RPGRIP1: variants seen among roughly 807,000 people sequenced by gnomAD.
The protein encoded by RPGRIP1 is X-linked retinitis pigmentosa GTPase regulator-interacting protein 1.
Under a neutral mutation model 157.9 loss-of-function variants are expected in RPGRIP1, and 128 were observed. The observed-to-expected ratio is 0.81, with a 90% confidence interval of 0.70 to 0.94. The LOEUF is 0.94. RPGRIP1 is among the 40% of genes least tolerant of loss of function. RPGRIP1 has a pLI of 0.00. For missense variants in RPGRIP1, 1,486 were observed against 1,545.8 expected, an observed-to-expected ratio of 0.96 and a Z score of 0.65; for synonymous variants, 554 against 571.6, an observed-to-expected ratio of 0.97 and a Z score of 0.44.
intron 21 of RPGRIP1, 86 bp from the exon 22 acceptor site, chr14:21,342,950 A>G: frequency 5.6e-6 from 5 of 892,802 alleles, no homozygotes; most frequent in Non-Finnish European, 7.1e-6. Flanking sequence ...ATTTCTAGAG[A>G]GTACCGTAAT....
rs761536002 is a variant in RPGRIP1, at chr14:21,280,174, G to GAT, written c.-39+16_-39+17dup. 9.2e-5 allele frequency among the ~76,000 whole-genome samples: 14 copies of GAT among 151,622 alleles called. No homozygotes were observed. The highest frequency in any genetic ancestry group is 1.5e-4 in the Non-Finnish European group (10 of 67,956). On this transcript the variant is annotated intron_variant, in intron 1 of 24. Coordinates refer to ENST00000400017, the MANE Select transcript of RPGRIP1 (RefSeq NM_020366.4). ...AAGCAAGAACTGTAAGTTTCTATCT[G>GAT]ATGCATATTTATAGTTTCCTATGTC...
intron 2 of RPGRIP1, among the ~76,000 whole-genome samples, chr14:21,294,095 A>G (rs1880656218): frequency 6.6e-6 from 1 of 151,654 alleles, no homozygotes; most frequent in African/African-American, 2.4e-5. Context: ...CTAAAAAGAA[A>G]AATTAAGTAA....
intron 5 of RPGRIP1, chr14:21,302,809 G>T (rs1881089868): frequency 6.5e-6 from 2 of 307,334 alleles, no homozygotes; most frequent in South Asian, 1.0e-4. Flanking sequence ...TCAGTTGAAG[G>T]TATTCCCTCT....
chr14:21,300,854 T>A, intron 3 of RPGRIP1, 112 bp from the exon 4 acceptor site: 4 of 1,258,688 alleles, frequency 3.2e-6, no homozygotes, highest in Non-Finnish European at 3.3e-6. Context: ...GGTTAATAGA[T>A]CACGGTAGAT....
At chr14:21,313,345 GAA>G (rs5807074) in intron 10 of RPGRIP1, among the ~76,000 whole-genome samples, 55 of 129,658 alleles carry the variant, frequency 4.2e-4, no homozygotes, top group East Asian at 4.4e-4. Flanking sequence ...TCCACAAAAA[GAA>G]AAAAAAAAAA....
At chr14:21,349,305 A>T (rs1189912294) in intron 24 of RPGRIP1, among the ~76,000 whole-genome samples, 1 of 150,596 alleles carries the variant, frequency 6.6e-6, no homozygotes, top group Non-Finnish European at 1.5e-5. Flanking sequence ...CTTGGACTCA[A>T]GCAATCCACC....
At chr14:21,318,050 T>C in intron 11 of RPGRIP1, 200 bp downstream of exon 11, 1 of 698,492 alleles carries the variant, frequency 1.4e-6, no homozygotes, top group Admixed American at 2.0e-5. Context: ...CTCTCATGTA[T>C]ACTTTTTCCT....
chr14:21,317,280 C>T (rs1053356793), intron 10 of RPGRIP1, among the ~76,000 whole-genome samples: 3 of 152,136 alleles, frequency 2.0e-5, no homozygotes, highest in Non-Finnish European at 4.4e-5. Context: ...AGGTCAAAGA[C>T]AAATATTCTC....
chr14:21,342,860 C>A (rs1482347571), intron 21 of RPGRIP1, among the ~76,000 whole-genome samples, 176 bp from the exon 22 acceptor site: 1 of 152,054 alleles, frequency 6.6e-6, no homozygotes, highest in Non-Finnish European at 1.5e-5. Flanking sequence ...GCAATTAAGT[C>A]AAGTTGTCTT....
chr14:21,330,182 A>G, intron 19 of RPGRIP1, 67 bp from the exon 20 acceptor site: 1 of 1,099,876 alleles, frequency 9.1e-7, no homozygotes, highest in South Asian at 2.2e-5. Flanking sequence ...GAAGGCAGGA[A>G]GGAAGGAATG....
intron 5 of RPGRIP1, chr14:21,302,949 A>G (rs1462092615): frequency 2.6e-5 from 5 of 190,622 alleles, no homozygotes; most frequent in South Asian, 9.3e-5. Flanking sequence ...GGTTCACTGC[A>G]ACCCCTGCCT....
chr14:21,328,157 A>G (rs1883313370), intron 18 of RPGRIP1, among the ~76,000 whole-genome samples: 1 of 149,872 alleles, frequency 6.7e-6, no homozygotes, highest in Admixed American at 6.6e-5. Flanking sequence ...CAACAAGAGC[A>G]GAACTCTGTC....
chr14:21,324,196 A>G (rs147424920), intron 14 of RPGRIP1: 2 of 297,300 alleles, frequency 6.7e-6, no homozygotes, highest in African/African-American at 4.4e-5. Flanking sequence ...CATAGACACT[A>G]TGTCTGCAAC....
chr14:21,325,427 C>A, intron 16 of RPGRIP1, 44 bp downstream of exon 16: 1 of 1,534,828 alleles, frequency 6.5e-7, no homozygotes, highest in South Asian at 1.2e-5. Context: ...GAGCCTCAGC[C>A]AAACAGCTCA....
At chr14:21,282,599 C>A (rs1880170792) in intron 1 of RPGRIP1, among the ~76,000 whole-genome samples, 2 of 143,114 alleles carry the variant, frequency 1.4e-5, no homozygotes. Context: ...TTAGAATCTA[C>A]ATTCCATTTT....
At chr14:21,302,099 A>G (rs758072624) in intron 4 of RPGRIP1, among the ~76,000 whole-genome samples, 3 of 152,172 alleles carry the variant, frequency 2.0e-5, no homozygotes, top group Non-Finnish European at 2.9e-5. Flanking sequence ...AACCAAACGC[A>G]TGCAAAAACA....
chr14:21,306,083 C>T (rs953291172), intron 6 of RPGRIP1, among the ~76,000 whole-genome samples: 14 of 134,776 alleles, frequency 1.0e-4, no homozygotes, highest in Admixed American at 5.7e-4. Context: ...ATAAAGAAAA[C>T]GTGAGCTCCT....
At chr14:21,327,390 A>G (rs772007274) in intron 17 of RPGRIP1, among the ~76,000 whole-genome samples, 2 of 152,128 alleles carry the variant, frequency 1.3e-5, no homozygotes, top group Admixed American at 1.3e-4. Context: ...ACCCTTCACT[A>G]TCTCTTCCTG....
At chr14:21,320,785 G>C (rs1391705943) in intron 12 of RPGRIP1, among the ~76,000 whole-genome samples, 1 of 151,360 alleles carries the variant, frequency 6.6e-6, no homozygotes, top group Admixed American at 6.6e-5. Flanking sequence ...ATTTTTAGTA[G>C]AGACAGGGTT....
Sources: allele counts gnomAD v4.1 joint callset (sites outside exome capture counted in the v4.1 genomes callset), GRCh38; gene constraint gnomAD v4.1.1; transcripts MANE v1.5; gene names NCBI Gene and HGNC (gene_info 2026-07-23, HGNC 2026-07-21).